The following MED14 variants were observed in gnomAD, a reference collection of about 807,000 sequenced individuals.
MED14 encodes mediator of RNA polymerase II transcription subunit 14.
A neutral mutation model predicts 109.0 loss-of-function variants in MED14; 8 were observed. The observed-to-expected ratio is 0.07, with a 90% CI of 0.04 to 0.13. The LOEUF (loss-of-function observed/expected upper bound fraction) is 0.13, where lower values mean the gene tolerates loss of function less well. Ranked by LOEUF, MED14 falls within the 10% of genes least tolerant of loss-of-function variation. The probability of loss-of-function intolerance (pLI) is 1.00; values close to 1 mark genes in which losing one functional copy is unlikely to be tolerated. For missense variants in MED14, 711 were observed against 1,142.4 expected (o/e 0.62, Z 5.44); for synonymous variants, 399 against 408.7 (o/e 0.98, Z 0.29).
chrX:40,734,642 A>T (rs1355975595), intron 1 of MED14, among the ~76,000 whole-genome samples: 1 of 112,366 alleles, frequency 8.9e-6, no homozygotes, highest in Non-Finnish European at 1.9e-5. Context: ...TAGGTGATTT[A>T]TAAACCCCCT....
rs1027018022 is a variant in MED14, at chrX:40,691,772, C to T, written c.1980+411G>A. Among the ~76,000 whole-genome samples the T allele has an allele frequency of 3.7e-5, 4 of 107,691 alleles. No individual in the cohort carries two copies. The East Asian group carries it at 1.2e-3, about 31-fold the overall frequency. 93.5% of individuals were successfully genotyped at this position (107,691 alleles called of 115,157 possible). ...GATTACAGGCGTGTGCCACCACACC[C>T]GGATAATTTTTGTATTTTTAGTAGA... On this transcript the variant is annotated intron_variant, in intron 15 of 30. Coordinates refer to ENST00000324817, the MANE Select transcript of MED14 (RefSeq NM_004229.4).
At chrX:40,734,390 G>A (rs781013349) in intron 1 of MED14, among the ~76,000 whole-genome samples, 1 of 112,309 alleles carries the variant, frequency 8.9e-6, no homozygotes, top group East Asian at 2.8e-4. Context: ...TTACTGTGAC[G>A]CTTTAGAGCC....
intron 11 of MED14, among the ~76,000 whole-genome samples, chrX:40,702,548 G>A (rs1328141348): frequency 1.8e-5 from 2 of 110,183 alleles, no homozygotes; most frequent in African/African-American, 6.6e-5. Flanking sequence ...GGGTTTCACC[G>A]TGTTAGCCAG....
intron 28 of MED14, 91 bp downstream of exon 28, chrX:40,659,136 C>A: frequency 6.1e-6 from 3 of 489,925 alleles, no homozygotes; most frequent in East Asian, 8.2e-5. Context: ...GAAGAAACTA[C>A]ATAGATGGGT....
At chrX:40,663,220 G>A (rs1929350823) in intron 25 of MED14, 60 bp from the exon 26 acceptor site, 2 of 900,624 alleles carry the variant, frequency 2.2e-6, no homozygotes, top group Middle Eastern at 5.4e-4. Context: ...ATTGCTTCCT[G>A]TTTTGCTTTC....
chrX:40,717,263 T>C (rs757264748), intron 3 of MED14, among the ~76,000 whole-genome samples: 11 of 109,364 alleles, frequency 1.0e-4, no homozygotes, highest in Non-Finnish European at 1.7e-4. Flanking sequence ...TGTACAACTA[T>C]GATATATCAA....
In MED14 at chrX:40,650,798, G is replaced by A; in HGVS notation, c.*1008C>T. 1.3e-6 allele frequency: 1 copy of A among 753,731 alleles called. No homozygotes were observed. Among genetic ancestry groups the A allele is most frequent in the African/African-American group, 2.3e-5 (1 of 43,773 alleles). The allele number at this position is 753,731 out of a possible 1,213,427, so 62.1% of individuals were successfully genotyped here. A position where few individuals can be genotyped will look rare whatever the true frequency, so the allele number is the denominator to read the frequency against. ...TTTAGAACAATCCCAATTTTGGTGG[G>A]GAAGGAAAGGAGGATAAGTTAAGCA... On this transcript the variant is annotated 3_prime_UTR_variant, in exon 31 of 31. Coordinates refer to ENST00000324817, the MANE Select transcript of MED14 (RefSeq NM_004229.4).
intron 3 of MED14, among the ~76,000 whole-genome samples, chrX:40,719,860 T>G (rs1931654328): frequency 8.9e-6 from 1 of 112,285 alleles, no homozygotes; most frequent in African/African-American, 3.2e-5. Context: ...TTTTATCTTT[T>G]TCTTAGGCAA....
At position 40,680,698 on chromosome X, in the gene MED14, G is replaced by A. The variant is rs535631010; in HGVS notation, c.2610+60C>T. The A allele has an allele frequency of 9.3e-5, 97 of 1,038,184 alleles. 1 individual carries two copies. In the South Asian group the frequency reaches 2.0e-3, roughly 21 times the overall value. The allele number at this position is 1,038,184 out of a possible 1,213,427, so 85.6% of individuals were successfully genotyped here. ...CTCCCAAAGGGTTGGGATTACAGGT[G>A]TGAACCAGCACGGCTGGCATACTAA... On this transcript the variant is annotated intron_variant, in intron 20 of 30. Coordinates refer to ENST00000324817, the MANE Select transcript of MED14 (RefSeq NM_004229.4).
chrX:40,687,387 T>C (rs1437667580), intron 16 of MED14, among the ~76,000 whole-genome samples: 1 of 112,083 alleles, frequency 8.9e-6, no homozygotes, highest in Non-Finnish European at 1.9e-5. Flanking sequence ...TTCATTACTT[T>C]AGTCTTGTTC....
At chrX:40,665,918 T>C (rs758644279) in intron 24 of MED14, among the ~76,000 whole-genome samples, 3 of 112,530 alleles carry the variant, frequency 2.7e-5, no homozygotes, top group African/African-American at 9.7e-5. Context: ...AGTTAAGTCA[T>C]GGTATGCCCA....
upstream of MED14, chrX:40,735,774 A>G (rs1361556160): frequency 2.7e-6 from 1 of 369,328 alleles, no homozygotes; most frequent in African/African-American, 2.5e-5. Flanking sequence ...GGGGACCTGC[A>G]GAGGACCTTC....
rs2146695613 is a variant in MED14, at chrX:40,703,714, T to A, written c.1286-145A>T. 1.3e-5 allele frequency: 5 copies of A among 398,546 alleles called. No individual in the cohort carries two copies. The East Asian group carries it at 2.2e-4, about 18-fold the overall frequency. 32.8% of individuals were successfully genotyped at this position (398,546 alleles called of 1,213,427 possible). On this transcript the variant is annotated intron_variant, in intron 10 of 30. Transcript: ENST00000324817. ...CATGATTTTGCAAAATTTGCAATAG[T>A]ATTATTATGTCAGTTAGCAGCTCAA...
intron 21 of MED14, among the ~76,000 whole-genome samples, chrX:40,676,437 C>T (rs886831680): frequency 1.8e-5 from 2 of 111,826 alleles, no homozygotes; most frequent in African/African-American, 3.3e-5. Context: ...GCAATACATC[C>T]GGGAGGCTGC....
chrX:40,653,189 A>G (rs761258800), intron 30 of MED14, among the ~76,000 whole-genome samples: 1 of 111,804 alleles, frequency 8.9e-6, no homozygotes, highest in Admixed American at 9.5e-5. Flanking sequence ...TTGTGAAGGA[A>G]TGGTGTTTAT....
intron 12 of MED14, among the ~76,000 whole-genome samples, chrX:40,697,841 T>C (rs1421917082): frequency 8.9e-6 from 1 of 112,066 alleles, no homozygotes; most frequent in Non-Finnish European, 1.9e-5. Context: ...CAGACTTGCC[T>C]TGATGAATAG....
chrX:40,661,075 C>G (rs1929248428), intron 26 of MED14, among the ~76,000 whole-genome samples: 1 of 110,296 alleles, frequency 9.1e-6, no homozygotes, highest in African/African-American at 3.3e-5. Context: ...CCACCACACC[C>G]AGATAATTTT....
chrX:40,691,759 G>A (rs1198561811), intron 15 of MED14, among the ~76,000 whole-genome samples: 1 of 108,208 alleles, frequency 9.2e-6, no homozygotes, highest in Non-Finnish European at 1.9e-5. Context: ...TTACAGGCGT[G>A]TGCCACCACA....
Position 40,671,906 on chromosome X carries a change from T to C in MED14, c.3088A>G (p.Ser1030Gly). Residue 1030 changes from serine to glycine, a missense_variant, in exon 23 of 31, where the codon AGC becomes GGC. Coordinates refer to ENST00000324817, the MANE Select transcript of MED14 (RefSeq NM_004229.4). Reference protein sequence around the residue: ...PLTSPPTSYHSTVNQSPSMMH... With the variant: ...PLTSPPTSYHGTVNQSPSMMH... ...ATTGAGGGAGACTGATTGACTGTGC[T>C]ATGATAAGATGTAGGGGGTGAAGTA... 8.3e-7 allele frequency: 1 copy of C among 1,206,651 alleles called. No homozygotes were observed. Among genetic ancestry groups the C allele is most frequent in the Non-Finnish European group, 1.1e-6 (1 of 892,024 alleles).
Sources: allele counts gnomAD v4.1 joint callset (sites outside exome capture counted in the v4.1 genomes callset), GRCh38; gene constraint gnomAD v4.1.1; transcripts MANE v1.5; gene names NCBI Gene and HGNC (gene_info 2026-07-23, HGNC 2026-07-21).